HERC2: variants seen among roughly 807,000 people sequenced by gnomAD.
HERC2 encodes E3 ubiquitin-protein ligase HERC2.
HERC2 carries 102 observed loss-of-function variants against 537.7 expected under a neutral mutation model. The observed-to-expected ratio is 0.19, with a 90% CI of 0.16 to 0.22. The LOEUF (loss-of-function observed/expected upper bound fraction) is 0.22, where lower values mean the gene tolerates loss of function less well. Among genes scored for constraint, HERC2 ranks in the 10% least tolerant of loss-of-function variants. HERC2 has a pLI of 1.00. For missense variants in HERC2, 4,236 were observed against 6,198.2 expected (o/e 0.68, Z 10.63); for synonymous variants, 2,224 against 2,466.2 (o/e 0.90, Z 2.91).
intron 2 of HERC2, among the ~76,000 whole-genome samples, chr15:28,316,769 T>A (rs1567159941): frequency 6.6e-6 from 1 of 152,222 alleles, no homozygotes; most frequent in African/African-American, 2.4e-5. Context: ...ATACTTTTTT[T>A]ATCTACTGAT....
chr15:28,241,304 C>A (rs1423462100), intron 23 of HERC2, among the ~76,000 whole-genome samples: 7 of 151,650 alleles, frequency 4.6e-5, no homozygotes. Context: ...TAGGGACACA[C>A]AAATCAAAAC....
Position 28,186,570 on chromosome 15 carries a change from T to C in HERC2, c.8825+7A>G. ...GTAAGTGAGCACCTGTAACAAATGG[T>C]TCTCACCTTCCGCTGTTGCCTTTCT... On this transcript the variant is annotated splice_region_variant and intron_variant, in intron 56 of 92. Transcript: ENST00000261609. 2 of 1,612,546 alleles carry C rather than the reference T, an allele frequency of 1.2e-6. No homozygotes were observed. Among genetic ancestry groups the C allele is most frequent in the Non-Finnish European group, 1.7e-6 (2 of 1,179,130 alleles).
Position 28,265,508 on chromosome 15 carries a change from C to A in HERC2, c.1870+110G>T, listed in dbSNP as rs943903134. On this transcript the variant is annotated intron_variant, in intron 14 of 92. Transcript: ENST00000261609. The surrounding 1 kb of genome is among the most constrained non-coding windows in gnomAD (Gnocchi z 4.0). Reference sequence around the variant, plus strand: ...GCCACTGAGCCCCACACCCACTGGGCGACAGGGTGGGTGGCCTCGTGAGGC... The same window carrying A: ...GCCACTGAGCCCCACACCCACTGGGAGACAGGGTGGGTGGCCTCGTGAGGC... 2.4e-6 allele frequency: 2 copies of A among 833,788 alleles called. No homozygotes were observed. Among genetic ancestry groups the A allele is most frequent in the Admixed American group, 2.1e-5 (1 of 46,660 alleles). 51.6% of individuals were successfully genotyped at this position (833,788 alleles called of 1,614,324 possible).
chr15:28,160,971 T>C (rs1392518518), intron 69 of HERC2, among the ~76,000 whole-genome samples: 1 of 152,242 alleles, frequency 6.6e-6, no homozygotes, highest in African/African-American at 2.4e-5. Context: ...ATAGTGCTTA[T>C]GGTAATTCAC....
At position 28,295,441 on chromosome 15, in the gene HERC2, CAG is replaced by C. The variant is rs1457229995; in HGVS notation, c.188-2421_188-2420del. 2.6e-5 allele frequency among the ~76,000 whole-genome samples: 4 copies of C among 152,212 alleles called. No individual in the cohort carries two copies. The East Asian group carries it at 5.8e-4, about 22-fold the overall frequency. On this transcript the variant is annotated intron_variant, in intron 3 of 92. Transcript: ENST00000261609. ...TTTTACTTTTGTTGTTCTTTTGAGA[CAG>C]AGTCTTGACTCACCACAACCTCTGC...
rs556659969 is a variant in HERC2, at chr15:28,214,563, C to A, written c.6358+92G>T. 537 of 1,475,014 alleles carry A rather than the reference C, an allele frequency of 3.6e-4. 2 individuals carry two copies. In the African/African-American group the frequency reaches 6.7e-3, roughly 18 times the overall value. The allele number at this position is 1,475,014 out of a possible 1,614,324, so 91.4% of individuals were successfully genotyped here. A position where few individuals can be genotyped will look rare whatever the true frequency, so the allele number is the denominator to read the frequency against. On this transcript the variant is annotated intron_variant, in intron 40 of 92. Coordinates refer to ENST00000261609, the MANE Select transcript of HERC2 (RefSeq NM_004667.6). ...AGTGACGGCACTGCGCCGCTCTTCA[C>A]CAGGGCACAGGGAAGGGAAACGGCC...
At chr15:28,115,604 CT>C in intron 88 of HERC2, 63 bp from the exon 89 acceptor site, 1 of 1,158,276 alleles carries the variant, frequency 8.6e-7, no homozygotes, top group Non-Finnish European at 1.3e-6. Flanking sequence ...TTCCCGCTCA[CT>C]CACACACGCC....
chr15:28,298,635 A>C (rs2076536557), intron 3 of HERC2: 1 of 151,774 alleles, frequency 6.6e-6, no homozygotes, highest in Non-Finnish European at 1.5e-5. Context: ...CTCTACTAAA[A>C]AATACAAAAA....
chr15:28,173,825 CAAT>C (rs1192469003), intron 65 of HERC2, among the ~76,000 whole-genome samples: 2 of 147,516 alleles, frequency 1.4e-5, no homozygotes, highest in East Asian at 2.0e-4. Context: ...CAAACAACAA[CAAT>C]AACAAAAAGA....
At chr15:28,206,694 A>C (rs1224264408) in intron 44 of HERC2, among the ~76,000 whole-genome samples, 2 of 151,606 alleles carry the variant, frequency 1.3e-5, no homozygotes, top group East Asian at 3.9e-4. Context: ...TTAGCTGGGC[A>C]TGGTGGCGGG....
chr15:28,247,637 T>G (rs890337949), intron 21 of HERC2, among the ~76,000 whole-genome samples: 1 of 151,864 alleles, frequency 6.6e-6, no homozygotes, highest in African/African-American at 2.4e-5. Context: ...ACTATGTTGG[T>G]CAGGCTGGTC....
chr15:28,179,009 T>A lies in HERC2; in HGVS notation c.9041A>T (p.Tyr3014Phe), dbSNP rs770921654. The A allele has an allele frequency of 6.2e-7, 1 of 1,614,126 alleles. No homozygotes were observed. The highest frequency in any genetic ancestry group is 1.1e-5 in the South Asian group (1 of 91,078). The stretch of plus-strand genomic sequence containing the variant: ...GCCATTCGTGGCTTCTCCACAGGCA[T>A]ACACCTTCCCTTCCACAGTCACTGC... ...LFAVTVEGKVYACGEATNGRL... is the reference protein window; with the variant it reads ...LFAVTVEGKVFACGEATNGRL... Residue 3014 changes from tyrosine to phenylalanine, a missense_variant, in exon 59 of 93, where the codon TAT (tyrosine) becomes TTT (phenylalanine). By Grantham distance (22) the Tyr-to-Phe change is conservative. Transcript: ENST00000261609.
rs188736991 is a variant in HERC2, at chr15:28,240,156, C to T, written c.3578-1384G>A. On this transcript the variant is annotated intron_variant, in intron 23 of 92. Coordinates refer to ENST00000261609, the MANE Select transcript of HERC2 (RefSeq NM_004667.6). Reference sequence around the variant, plus strand: ...TCCAATCAGAGGGCGCAGTGGCTCACGCCTGTAATCCCAGCACTTTGGGAG... The same window carrying T: ...TCCAATCAGAGGGCGCAGTGGCTCATGCCTGTAATCCCAGCACTTTGGGAG... 3.7e-4 allele frequency among the ~76,000 whole-genome samples: 56 copies of T among 152,320 alleles called. 1 individual carries two copies. The highest frequency in any genetic ancestry group is 7.7e-4 in the East Asian group (4 of 5,176).
At chr15:28,319,582 C>T (rs2077178548) in intron 2 of HERC2, among the ~76,000 whole-genome samples, 1 of 104,346 alleles carries the variant, frequency 9.6e-6, no homozygotes, top group Non-Finnish European at 1.8e-5. Context: ...AAGACTGCGT[C>T]TCAAAAAAAA....
intron 9 of HERC2, among the ~76,000 whole-genome samples, chr15:28,271,157 C>A (rs1050053339): frequency 6.6e-6 from 1 of 152,196 alleles, no homozygotes; most frequent in Admixed American, 6.5e-5. Context: ...GACCAAACCA[C>A]CCTACAGGCC....
intron 78 of HERC2, among the ~76,000 whole-genome samples, chr15:28,138,049 G>A (rs1890826731): frequency 6.6e-6 from 1 of 150,956 alleles, no homozygotes; most frequent in Non-Finnish European, 1.5e-5. Context: ...CTAATCCAGA[G>A]CTTGCTAACT....
chr15:28,256,996 T>G, intron 17 of HERC2, 65 bp downstream of exon 17: 5 of 1,409,570 alleles, frequency 3.5e-6, no homozygotes, highest in Non-Finnish European at 4.0e-6. Context: ...TCAAAATACA[T>G]AAACCTTCTT....
At chr15:28,280,526 G>A (rs2075994027) in intron 4 of HERC2, among the ~76,000 whole-genome samples, 1 of 152,162 alleles carries the variant, frequency 6.6e-6, no homozygotes, top group Non-Finnish European at 1.5e-5. Flanking sequence ...TAAGCAACTT[G>A]TCCGAGGCCA....
At chr15:28,184,498 T>C (rs1250869064) in intron 56 of HERC2, among the ~76,000 whole-genome samples, 1 of 152,182 alleles carries the variant, frequency 6.6e-6, no homozygotes, top group Non-Finnish European at 1.5e-5. Flanking sequence ...TATATTCAAT[T>C]ACACAAAAAT....
Sources: allele counts gnomAD v4.1 joint callset (sites outside exome capture counted in the v4.1 genomes callset), GRCh38; gene constraint gnomAD v4.1.1; non-coding constraint Gnocchi (gnomAD v3.1); transcripts MANE v1.5; gene names NCBI Gene and HGNC (gene_info 2026-07-23, HGNC 2026-07-21).